The following PPP1R36 variants were observed in gnomAD, a reference collection of about 807,000 sequenced individuals.
PPP1R36 encodes chromosome 14 open reading frame 50.
A neutral mutation model predicts 53.4 loss-of-function variants in PPP1R36; 47 were observed. That is an observed-to-expected ratio of 0.88 (90% confidence interval 0.70 to 1.12). The LOEUF (loss-of-function observed/expected upper bound fraction) is 1.12. Ranked by LOEUF, PPP1R36 falls within the 50% of genes most tolerant of loss-of-function variation. The pLI is 0.00. For missense variants in PPP1R36, 456 were observed against 513.9 expected (o/e 0.89, Z 1.09); for synonymous variants, 153 against 170.5 (o/e 0.90, Z 0.80).
chr14:64,584,205 C>T (rs2080413957), intron 8 of PPP1R36, among the ~76,000 whole-genome samples: 1 of 152,096 alleles, frequency 6.6e-6, no homozygotes, highest in Admixed American at 6.6e-5. Flanking sequence ...CCCAGCCTTA[C>T]CTTCTCTTCT....
At position 64,588,300 on chromosome 14, in the gene PPP1R36, G is replaced by A. The variant is rs113054778; in HGVS notation, c.1082+5G>A. On this transcript the variant is annotated splice_donor_5th_base_variant and intron_variant, in intron 11 of 11. Coordinates refer to ENST00000298705, the MANE Select transcript of PPP1R36 (RefSeq NM_172365.3). ...GGACTCTGTGCCCATGCCGGTGTAAGTGGCTTGGCAAGAGAAGCATGAGTG... is the reference window on the plus strand; with the variant it reads ...GGACTCTGTGCCCATGCCGGTGTAAATGGCTTGGCAAGAGAAGCATGAGTG... 1.2e-5 allele frequency: 19 copies of A among 1,597,200 alleles called. No homozygotes were observed. In the African/African-American group the frequency reaches 1.5e-4, roughly 12 times the overall value.
At chr14:64,561,984 G>T in intron 3 of PPP1R36, 2 of 332,962 alleles carry the variant, frequency 6.0e-6, no homozygotes, top group South Asian at 2.4e-5. Flanking sequence ...TTTACGTGAT[G>T]GATTCTAGAG....
Position 64,550,127 on chromosome 14 carries a change from C to G in PPP1R36, c.69+61C>G. 5 of 1,529,926 alleles carry G rather than the reference C, an allele frequency of 3.3e-6. No individual in the cohort carries two copies. In the South Asian group the frequency reaches 6.0e-5, roughly 18 times the overall value. 94.8% of individuals were successfully genotyped at this position (1,529,926 alleles called of 1,614,324 possible). On this transcript the variant is annotated intron_variant, in intron 1 of 11. Transcript: ENST00000298705. ...GGGCGCAAGGCGGGCCCTGCTGCCCCCAACCGGCGCCGCGCCCCTCGCCCT... is the reference window on the plus strand; with the variant it reads ...GGGCGCAAGGCGGGCCCTGCTGCCCGCAACCGGCGCCGCGCCCCTCGCCCT...
intron 9 of PPP1R36, 111 bp downstream of exon 9, chr14:64,586,990 C>T: frequency 1.1e-6 from 1 of 937,648 alleles, no homozygotes; most frequent in Non-Finnish European, 1.7e-6. Context: ...AAAGACGGTG[C>T]TAACAAGCTA....
chr14:64,558,811 T>G (rs1341974960), intron 3 of PPP1R36, among the ~76,000 whole-genome samples: 2 of 152,008 alleles, frequency 1.3e-5, no homozygotes, highest in East Asian at 3.9e-4. Flanking sequence ...AATTTTTGTA[T>G]TTTTAGTACA....
chr14:64,559,974 G>A (rs1000497402), intron 3 of PPP1R36, among the ~76,000 whole-genome samples: 5 of 151,672 alleles, frequency 3.3e-5, no homozygotes, highest in African/African-American at 9.7e-5. Context: ...ATGGTGGTAC[G>A]TGCCTGCAGT....
At chr14:64,552,084 G>A (rs988482678) in intron 2 of PPP1R36, among the ~76,000 whole-genome samples, 4 of 152,208 alleles carry the variant, frequency 2.6e-5, no homozygotes, top group African/African-American at 9.7e-5. Flanking sequence ...AGGATGTGGG[G>A]ATTGGATGTG....
chr14:64,571,388 A>C (rs1437220491), intron 7 of PPP1R36, among the ~76,000 whole-genome samples: 1 of 152,122 alleles, frequency 6.6e-6, no homozygotes, highest in Non-Finnish European at 1.5e-5. Flanking sequence ...CAGCCTCCCA[A>C]AGTGCTGGGA....
At chr14:64,573,913 C>CAAAAAAA (rs35427371) in intron 7 of PPP1R36, among the ~76,000 whole-genome samples, 7 of 32,536 alleles carry the variant, frequency 2.2e-4, no homozygotes, top group Non-Finnish European at 3.0e-4. Flanking sequence ...GACTCTGTCT[C>CAAAAAAA]AAAAAAAAAA....
rs189460066 is a variant in PPP1R36 at position 64,575,572 on chromosome 14, A to T, written c.668+983A>T. Reference sequence around the variant, plus strand: ...TTCCTTATGGCTTATTTTCCACAGTATATTTACCTAGAAAGCCACAGTTTT... The same window carrying T: ...TTCCTTATGGCTTATTTTCCACAGTTTATTTACCTAGAAAGCCACAGTTTT... On this transcript the variant is annotated intron_variant, in intron 8 of 11. Coordinates refer to ENST00000298705, the MANE Select transcript of PPP1R36 (RefSeq NM_172365.3). Among the ~76,000 whole-genome samples the T allele has an allele frequency of 5.7e-4, 86 of 151,434 alleles. 1 individual carries two copies. Among genetic ancestry groups the T allele is most frequent in the Non-Finnish European group, 5.2e-4 (35 of 67,950 alleles).
chr14:64,563,871 A>T lies in PPP1R36; in HGVS notation c.183-880A>T, dbSNP rs749274354. Among the ~76,000 whole-genome samples, 75 of 152,194 alleles carry T rather than the reference A, an allele frequency of 4.9e-4. 1 individual carries two copies. Among genetic ancestry groups the T allele is most frequent in the Non-Finnish European group, 9.4e-4 (64 of 68,030 alleles). On this transcript the variant is annotated intron_variant, in intron 3 of 11. Transcript: ENST00000298705. Reference sequence around the variant, plus strand: ...GCAGACACCACAGTTCTCCCAGAAAATGTACTATTTATAAGGCAGGAACCT... The same window carrying T: ...GCAGACACCACAGTTCTCCCAGAAATTGTACTATTTATAAGGCAGGAACCT...
chr14:64,577,718 CTTTTTTTT>C lies in PPP1R36; in HGVS notation c.668+3147_668+3154del, dbSNP rs10667127. Among the ~76,000 whole-genome samples, 195 of 94,434 alleles carry C rather than the reference CTTTTTTTT, an allele frequency of 2.1e-3. 2 individuals are homozygous for C. In the Admixed American group the frequency reaches 0.026, roughly 13 times the overall value. 62.0% of individuals were successfully genotyped at this position (94,434 alleles called of 152,430 possible). On this transcript the variant is annotated intron_variant, in intron 8 of 11. Transcript: ENST00000298705. Reference sequence around the variant, plus strand: ...TTTTTAAGCTTTGCTGCCATGATTACTTTTTTTTTTTTTTTTTTTTTTTTTGAGATGGA... The same window carrying C: ...TTTTTAAGCTTTGCTGCCATGATTACTTTTTTTTTTTTTTTTTGAGATGGA...
chr14:64,552,983 T>C, intron 3 of PPP1R36, 122 bp downstream of exon 3: 1 of 821,690 alleles, frequency 1.2e-6, no homozygotes, highest in South Asian at 1.7e-5. Flanking sequence ...CAATTTTTTT[T>C]TTTTTGAGAT....
chr14:64,574,400 T>G (rs141495742), intron 7 of PPP1R36, 55 bp from the exon 8 acceptor site: 1 of 1,537,054 alleles, frequency 6.5e-7, no homozygotes. Context: ...TGCTAGTTAA[T>G]ATAGGCACTT....
chr14:64,578,338 C>T (rs10498515), intron 8 of PPP1R36, among the ~76,000 whole-genome samples: 106,692 of 152,028 alleles, frequency 0.7, 39,362 homozygotes, highest in East Asian at 0.86. Flanking sequence ...CTTACAGTAA[C>T]GCTCCTAAAC....
intron 8 of PPP1R36, 107 bp downstream of exon 8, chr14:64,574,696 G>A (rs1395358816): frequency 3.3e-6 from 4 of 1,229,286 alleles, no homozygotes; most frequent in African/African-American, 3.0e-5. Context: ...TCCTTTTTCT[G>A]TTGTCCAGAG....
In PPP1R36 at chr14:64,589,203, C is replaced by T. The variant is rs942624436; in HGVS notation, c.1134C>T (p.His378=). 1 of 1,614,010 alleles carries T rather than the reference C, an allele frequency of 6.2e-7. No homozygotes were observed. The highest frequency in any genetic ancestry group is 8.5e-7 in the Non-Finnish European group (1 of 1,179,934). The change falls in exon 12 of 12, where the codon CAC becomes CAT. Residue 378 remains histidine, a synonymous_variant. Coordinates refer to ENST00000298705, the MANE Select transcript of PPP1R36 (RefSeq NM_172365.3). The stretch of plus-strand genomic sequence containing the variant: ...GTCTATTCAACCCACATACGCTTCA[C>T]CCCCTTGATCCAGAAGAAAACACAA... ...PRCLFNPHTL[H]PLDPEENTKS...
intron 3 of PPP1R36, among the ~76,000 whole-genome samples, chr14:64,560,103 C>CAAAAA (rs1171697200): frequency 6.2e-3 from 171 of 27,438 alleles, no homozygotes; most frequent in Middle Eastern, 0.031. Flanking sequence ...GAATCTGTCA[C>CAAAAA]AAAAAAAAAA....
At chr14:64,566,322 A>G (rs2080255847) in intron 6 of PPP1R36, among the ~76,000 whole-genome samples, 1 of 152,002 alleles carries the variant, frequency 6.6e-6, no homozygotes, top group South Asian at 2.1e-4. Context: ...AGATGCCTGT[A>G]ATCCCAGATA....
Sources: gnomAD v4.1 joint callset for allele counts (sites outside exome capture counted in the v4.1 genomes callset) on GRCh38, gnomAD v4.1.1 for gene constraint, MANE v1.5 for transcripts, NCBI Gene and HGNC (gene_info 2026-07-23, HGNC 2026-07-21) for gene names.